DGKD: variants seen among roughly 807,000 people sequenced by gnomAD.
DGKD encodes diacylglycerol kinase delta, also known as DAG kinase delta.
In DGKD, 68 loss-of-function variants were observed where a neutral mutation model predicts 154.4. That is an observed-to-expected ratio of 0.44 (90% CI 0.36 to 0.54). The LOEUF (loss-of-function observed/expected upper bound fraction) is 0.54. Ranked by LOEUF, DGKD falls within the 20% of genes least tolerant of loss-of-function variation. The pLI, the probability that DGKD is intolerant of heterozygous loss-of-function variation, is 0.00. For synonymous variants in DGKD, 693 were observed against 638.0 expected, an observed-to-expected ratio of 1.09 and a Z score of -1.30; for missense variants, 1,343 against 1,593.6, an observed-to-expected ratio of 0.84 and a Z score of 2.68.
chr2:233,440,457 C>G lies in DGKD; in HGVS notation c.1086-1430C>G, dbSNP rs909219201. Among the ~76,000 whole-genome samples the G allele has an allele frequency of 2.6e-5, 4 of 152,184 alleles. No individual in the cohort carries two copies. Among genetic ancestry groups the G allele is most frequent in the African/African-American group, 9.7e-5 (4 of 41,436 alleles). On this transcript the variant is annotated intron_variant, in intron 9 of 29. Transcript: ENST00000264057. The surrounding 1 kb of genome is among the most constrained non-coding windows in gnomAD (Gnocchi z 4.9). ...TAGGAGCACACGCAGGGTCCCCCGGCACTTCAGTGGGGGTGACACAGCTTC... is the reference window on the plus strand; with the variant it reads ...TAGGAGCACACGCAGGGTCCCCCGGGACTTCAGTGGGGGTGACACAGCTTC...
intron 3 of DGKD, among the ~76,000 whole-genome samples, chr2:233,428,081 C>T (rs2062372352): frequency 6.6e-6 from 1 of 152,138 alleles, no homozygotes; most frequent in Admixed American, 6.5e-5. Flanking sequence ...CCTCCCCTAC[C>T]AGAGGTTGGG....
intron 1 of DGKD, among the ~76,000 whole-genome samples, chr2:233,360,636 G>C (rs1405259774): frequency 1.3e-5 from 2 of 152,170 alleles, no homozygotes; most frequent in Non-Finnish European, 2.9e-5. Flanking sequence ...TGATCCTCCT[G>C]CTTCAGGCTT....
chr2:233,365,178 C>G (rs1311248037), intron 1 of DGKD, among the ~76,000 whole-genome samples: 1 of 150,776 alleles, frequency 6.6e-6, no homozygotes, highest in African/African-American at 2.4e-5. Context: ...CTGTATACAT[C>G]AAGTAGACAA....
chr2:233,361,428 CTGTT>C (rs1342933255), intron 1 of DGKD, among the ~76,000 whole-genome samples: 2 of 152,172 alleles, frequency 1.3e-5, no homozygotes, highest in Non-Finnish European at 2.9e-5. Flanking sequence ...TTTCACGAGT[CTGTT>C]TGTACGTTCA....
chr2:233,468,526 C>T lies in DGKD; in HGVS notation c.3528C>T (p.Leu1176=). The change falls in exon 29 of 30, where the codon CTC becomes CTT. Residue 1176 remains leucine, a synonymous_variant. Transcript: ENST00000264057. ...GGCACGACATCCGGGGCTCTGAGCT[C>T]CTGCACCTGGAGCGGAGGGACCTCA... ...FTRHDIRGSE[L]LHLERRDLKD... 1 of 1,613,794 alleles carries T rather than the reference C, an allele frequency of 6.2e-7. No homozygotes were observed. The highest frequency in any genetic ancestry group is 8.5e-7 in the Non-Finnish European group (1 of 1,179,976).
At chr2:233,389,851 C>A (rs2125443080) in intron 2 of DGKD, among the ~76,000 whole-genome samples, 1 of 152,264 alleles carries the variant, frequency 6.6e-6, no homozygotes, top group East Asian at 1.9e-4. Context: ...CTCTCCAGGA[C>A]CAGGATCCTT....
Position 233,456,708 on chromosome 2 carries a change from A to G in DGKD, c.2376-191A>G, listed in dbSNP as rs148466337. 1.5e-3 allele frequency among the ~76,000 whole-genome samples: 228 copies of G among 152,302 alleles called. 4 individuals carry two copies. The highest frequency in any genetic ancestry group is 5.1e-3 in the African/African-American group (210 of 41,560). Reference sequence around the variant, plus strand: ...ATGTTACTATTGAGCAAAATTTCCTATTGGTAAACGTATCTTTTTATGCAT... The same window carrying G: ...ATGTTACTATTGAGCAAAATTTCCTGTTGGTAAACGTATCTTTTTATGCAT... On this transcript the variant is annotated intron_variant, in intron 19 of 29. Transcript: ENST00000264057.
intron 1 of DGKD, among the ~76,000 whole-genome samples, chr2:233,378,092 C>A (rs1702676746): frequency 6.6e-6 from 1 of 151,894 alleles, no homozygotes; most frequent in Admixed American, 6.5e-5. Context: ...CAGGTGTGCA[C>A]CACCACGCCC....
intron 26 of DGKD, 29 bp downstream of exon 26, chr2:233,462,764 C>T: frequency 6.3e-7 from 1 of 1,594,602 alleles, no homozygotes. Context: ...GACAGCAGGG[C>T]TCGGGCTGTG....
At chr2:233,386,877 GT>G (rs1380240184) in intron 1 of DGKD, among the ~76,000 whole-genome samples, 2 of 152,214 alleles carry the variant, frequency 1.3e-5, no homozygotes, top group African/African-American at 4.8e-5. Context: ...AGTGCAGCCA[GT>G]TCCCCCCAAC....
intron 3 of DGKD, among the ~76,000 whole-genome samples, chr2:233,393,983 A>G (rs959384610): frequency 1.3e-5 from 2 of 152,052 alleles, no homozygotes; most frequent in Non-Finnish European, 2.9e-5. Context: ...GCTGTGTATT[A>G]GTTTTTATCT....
At chr2:233,436,000 C>T in intron 6 of DGKD, 76 bp downstream of exon 6, 1 of 1,358,504 alleles carries the variant, frequency 7.4e-7, no homozygotes, top group Non-Finnish European at 1.0e-6. Flanking sequence ...AGCCTCCTCC[C>T]TGCCCTCCCT....
chr2:233,461,074 G>C (rs1237834982), intron 24 of DGKD, among the ~76,000 whole-genome samples: 2 of 150,700 alleles, frequency 1.3e-5, no homozygotes, highest in East Asian at 3.9e-4. Context: ...CTGCCTTCTA[G>C]AAACACCCCT....
Position 233,458,792 on chromosome 2 carries a change from C to T in DGKD, c.2694+395C>T, listed in dbSNP as rs773730566. On this transcript the variant is annotated intron_variant, in intron 22 of 29. Transcript: ENST00000264057. The surrounding 1 kb of genome is among the most constrained non-coding windows in gnomAD (Gnocchi z 6.6). ...ATTCCCAGCTAATTTTTGTACTTCA[C>T]CATGTTGGCCAGGCTGGTCTCGAAC... Among the ~76,000 whole-genome samples, 20 of 152,148 alleles carry T rather than the reference C, an allele frequency of 1.3e-4. No individual in the cohort carries two copies. The highest frequency in any genetic ancestry group is 2.5e-4 in the Non-Finnish European group (17 of 67,968).
In DGKD at chr2:233,458,124, G is replaced by A; in HGVS notation, c.2581-160G>A. 1 of 537,542 alleles carries A rather than the reference G, an allele frequency of 1.9e-6. No homozygotes were observed. The highest frequency in any genetic ancestry group is 2.8e-5 in the South Asian group (1 of 36,282). 33.3% of individuals were successfully genotyped at this position (537,542 alleles called of 1,614,324 possible). A position where few individuals can be genotyped will look rare whatever the true frequency, so the allele number is the denominator to read the frequency against. On this transcript the variant is annotated intron_variant, in intron 21 of 29. Transcript: ENST00000264057. The surrounding 1 kb of genome is among the most constrained non-coding windows in gnomAD (Gnocchi z 6.6). ...GCTGGGATTTGGTCCCAGGCAGCTG[G>A]TTTCAGGGCCTGCAACATGAAGCCC...
rs143670985 is a variant in DGKD at position 233,388,166 on chromosome 2, A to G, written c.157-91A>G. 102 of 1,562,778 alleles carry G rather than the reference A, an allele frequency of 6.5e-5. No individual in the cohort carries two copies. In the East Asian group the frequency reaches 2.1e-3, roughly 33 times the overall value. ...AATATTTTCTGTTAGAGACACGAAT[A>G]TGTTTCAGCCGCAACAGGCTGCGTT... On this transcript the variant is annotated intron_variant, in intron 1 of 29. Transcript: ENST00000264057.
chr2:233,429,178 G>T (rs938510377), intron 3 of DGKD: 23 of 985,380 alleles, frequency 2.3e-5, no homozygotes, highest in Non-Finnish European at 2.8e-5. Flanking sequence ...AGCAAAGTTG[G>T]CACTTCAGCT....
rs886953712 is a variant in DGKD, at chr2:233,458,112, C to T, written c.2581-172C>T. ...GCCGAGATGAGAGCTGGGATTTGGT[C>T]CCAGGCAGCTGGTTTCAGGGCCTGC... On this transcript the variant is annotated intron_variant, in intron 21 of 29. Coordinates refer to ENST00000264057, the MANE Select transcript of DGKD (RefSeq NM_152879.3). The surrounding 1 kb of genome is among the most constrained non-coding windows in gnomAD (Gnocchi z 6.6). The T allele has an allele frequency of 1.9e-6, 1 of 529,134 alleles. No individual in the cohort carries two copies. Among genetic ancestry groups the T allele is most frequent in the Non-Finnish European group, 3.4e-6 (1 of 293,010 alleles). The allele number at this position is 529,134 out of a possible 1,614,324, so 32.8% of individuals were successfully genotyped here.
In DGKD at chr2:233,434,874, G is replaced by A. The variant is rs1309187405; in HGVS notation, c.559G>A (p.Val187Ile). ...TGTGTGCCGTGAGGCTCTGTCTGGGGTCACGTCGCACGGGCTGTCCTGCGA... is the reference window on the plus strand; with the variant it reads ...TGTGTGCCGTGAGGCTCTGTCTGGGATCACGTCGCACGGGCTGTCCTGCGA... ...CNVCREALSG[V>I]TSHGLSCEVC... Residue 187 changes from valine to isoleucine, a missense_variant, in exon 5 of 30, where the codon GTC becomes ATC. Coordinates refer to ENST00000264057, the MANE Select transcript of DGKD (RefSeq NM_152879.3). 1 of 1,614,098 alleles carries A rather than the reference G, an allele frequency of 6.2e-7. No individual in the cohort carries two copies. The highest frequency in any genetic ancestry group is 1.7e-5 in the Admixed American group (1 of 60,028).
Sources: allele counts gnomAD v4.1 joint callset (sites outside exome capture counted in the v4.1 genomes callset), GRCh38; gene constraint gnomAD v4.1.1; non-coding constraint Gnocchi (gnomAD v3.1); transcripts MANE v1.5; gene names NCBI Gene and HGNC (gene_info 2026-07-23, HGNC 2026-07-21).